PIGQ: variants seen among roughly 807,000 people sequenced by gnomAD.
The protein encoded by PIGQ is phosphatidylinositol N-acetylglucosaminyltransferase subunit Q.
PIGQ carries 54 observed loss-of-function variants against 60.3 expected under a neutral mutation model. The ratio of observed to expected loss-of-function variants is 0.90; its 90% CI spans 0.72 to 1.12. The LOEUF is 1.12. PIGQ is among the 50% of genes most tolerant of loss of function. The pLI, the probability that PIGQ is intolerant of heterozygous loss-of-function variation, is 0.00. For missense variants in PIGQ, 799 were observed against 793.5 expected, an observed-to-expected ratio of 1.01 and a Z score of -0.08; for synonymous variants, 416 against 363.7, an observed-to-expected ratio of 1.14 and a Z score of -1.64.
chr16:582,170 G>C (rs781589738), intron 9 of PIGQ, 78 bp from the exon 10 acceptor site: 7 of 1,055,212 alleles, frequency 6.6e-6, no homozygotes, highest in Non-Finnish European at 1.0e-5. Flanking sequence ...CCTCAGAGAG[G>C]AAGGTACCTG....
At chr16:581,694 C>G (rs945153086) in intron 9 of PIGQ, 1 of 164,310 alleles carries the variant, frequency 6.1e-6, no homozygotes, top group Non-Finnish European at 1.3e-5. Context: ...GAACTCCTGA[C>G]CTCGTGATCC....
intron 3 of PIGQ, 33 bp downstream of exon 3, chr16:576,003 G>T (rs768173307): frequency 6.4e-7 from 1 of 1,564,750 alleles, no homozygotes; most frequent in Non-Finnish European, 8.7e-7. Context: ...GCAGGGCTGG[G>T]TGCGTGCCCT....
chr16:579,114 G>C lies in PIGQ; in HGVS notation c.1269G>C (p.Leu423=), dbSNP rs756496510. The change falls in exon 7 of 11, where the codon CTG becomes CTC. Residue 423 remains leucine, a synonymous_variant. Transcript: ENST00000321878. ...KIHGLSSLWR[L]FRGKKWNVLR... is the part of the protein sequence containing the mutation. ...ATGGCCTGTCCTCACTGTGGCGTCT[G>C]TTCCGGGGGAAGAAGTGGAACGTTC... 1.9e-6 allele frequency: 3 copies of C among 1,613,016 alleles called. No homozygotes were observed. In the Admixed American group the frequency reaches 5.0e-5, roughly 27 times the overall value.
At chr16:581,340 C>A (rs1400016150) in intron 9 of PIGQ, 3 of 1,230,518 alleles carry the variant, frequency 2.4e-6, no homozygotes, top group Non-Finnish European at 3.1e-6. Flanking sequence ...GGCCACCATC[C>A]AGTAAGTGCC....
chr16:579,089 A>G lies in PIGQ; in HGVS notation c.1244A>G (p.His415Arg), dbSNP rs2035771354. The change falls in exon 7 of 11, where the codon CAT (histidine) becomes CGT (arginine). Residue 415 changes from histidine to arginine, a missense_variant. Transcript: ENST00000321878. The part of the protein sequence containing the change: ...YGARLYCLKI[H>R]GLSSLWRLFR... ...TGTAGGCTGTACTGCCTGAAGATCC[A>G]TGGCCTGTCCTCACTGTGGCGTCTG... The G allele has an allele frequency of 1.4e-5, 22 of 1,612,672 alleles. No individual in the cohort carries two copies. The highest frequency in any genetic ancestry group is 1.8e-5 in the Non-Finnish European group (21 of 1,179,720).
Position 583,222 on chromosome 16 carries a change from G to A in PIGQ, c.*187G>A, listed in dbSNP as rs1312368266. ...ATTGGGAGTGAGCAGATGTGGGGGT[G>A]GCCAGCCAGGCTGGCCGCACTCCAT... is the stretch of plus-strand genomic sequence containing the variant. On this transcript the variant is annotated 3_prime_UTR_variant, in exon 11 of 11. Transcript: ENST00000321878. 8.7e-6 allele frequency: 14 copies of A among 1,612,946 alleles called. No individual in the cohort carries two copies. Among genetic ancestry groups the A allele is most frequent in the Non-Finnish European group, 1.2e-5 (14 of 1,179,972 alleles).
rs780951808 is a variant in PIGQ, at chr16:574,500, C to A, written c.426C>A (p.His142Gln). ...GCCAGGTGTTGCTGTCACAGCTACA[C>A]CTGCCCACCGTCCTGCCCGACCGCC... The part of the protein sequence containing the change: ...DQRQVLLSQL[H>Q]LPTVLPDRQA... Residue 142 changes from histidine (H) to glutamine (Q), a missense_variant, in exon 2 of 11, where the codon CAC becomes CAA. Physicochemically the swap from His to Gln is conservative, Grantham distance 24. Coordinates refer to ENST00000321878, the MANE Select transcript of PIGQ (RefSeq NM_004204.5). 1.2e-6 allele frequency: 2 copies of A among 1,608,878 alleles called. No homozygotes were observed. The highest frequency in any genetic ancestry group is 1.7e-6 in the Non-Finnish European group (2 of 1,178,430).
rs571850259 is a variant in PIGQ, at chr16:578,613, CTGTG to C, written c.1069+115_1069+118del. ...GCCCCCAACTCTGCTCCCCAGCGTC[CTGTG>C]TGTGTGAGGCCTGCTGTGCTCAGCT... On this transcript the variant is annotated intron_variant, in intron 5 of 10. Coordinates refer to ENST00000321878, the MANE Select transcript of PIGQ (RefSeq NM_004204.5). 62 of 1,443,898 alleles carry C rather than the reference CTGTG, an allele frequency of 4.3e-5. 2 individuals are homozygous for C. The South Asian group carries it at 7.1e-4, about 17-fold the overall frequency. The allele number at this position is 1,443,898 out of a possible 1,614,324, so 89.4% of individuals were successfully genotyped here.
chr16:578,754 C>T (rs778781186), intron 5 of PIGQ, 31 bp from the exon 6 acceptor site: 15 of 1,605,868 alleles, frequency 9.3e-6, no homozygotes, highest in Middle Eastern at 1.6e-4. Context: ...GGGGTCTGAG[C>T]GCCTCCTGAG....
chr16:582,910 G>A lies in PIGQ; in HGVS notation c.1621G>A (p.Val541Met), dbSNP rs747221267. ...QINPLPYSRV[V>M]HTYRLPSCGC... is the part of the protein sequence containing the mutation. ...AAACCCACTGCCCTACAGCCGCGTG[G>A]TGCACACCTACCGCCTCCCCAGCTG... The change falls in exon 11 of 11, where the codon GTG (valine) becomes ATG (methionine). Residue 541 changes from valine (V) to methionine (M), a missense_variant. Transcript: ENST00000321878. 23 of 1,611,088 alleles carry A rather than the reference G, an allele frequency of 1.4e-5. No individual in the cohort carries two copies. The highest frequency in any genetic ancestry group is 2.2e-5 in the East Asian group (1 of 44,854).
At chr16:578,103 G>T in intron 4 of PIGQ, 1 of 366,286 alleles carries the variant, frequency 2.7e-6, no homozygotes, top group East Asian at 5.5e-5. Context: ...GGAGGAAGAT[G>T]GTAGAGGTGG....
intron 1 of PIGQ, among the ~76,000 whole-genome samples, chr16:572,815 C>T (rs577900792): frequency 3.3e-5 from 5 of 152,318 alleles, no homozygotes; most frequent in African/African-American, 4.8e-5. Context: ...GACCTCCAGG[C>T]GTCCCGCTCT....
Position 574,545 on chromosome 16 carries a change from C to T in PIGQ, c.471C>T (p.Ala157=), listed in dbSNP as rs771169140. 12 of 1,605,438 alleles carry T rather than the reference C, an allele frequency of 7.5e-6. No homozygotes were observed. Among genetic ancestry groups the T allele is most frequent in the Non-Finnish European group, 8.5e-6 (10 of 1,176,590 alleles). ...LPDRQAGATT[A]STGGLAAVFD... ...ACCGCCAGGCTGGAGCCACCACTGC[C>T]AGCACGGGGGGCCTGGCTGCCGTCT... The change falls in exon 2 of 11, where the codon GCC becomes GCT. Residue 157 remains alanine, a synonymous_variant. Coordinates refer to ENST00000321878, the MANE Select transcript of PIGQ (RefSeq NM_004204.5).
At chr16:571,042 TGTGTGTGTGTGTG>T (rs2035609993) in intron 1 of PIGQ, among the ~76,000 whole-genome samples, 2 of 11,030 alleles carry the variant, frequency 1.8e-4, no homozygotes, top group African/African-American at 7.1e-4. Context: ...GGCGCCCGTG[TGTGTGTGTGTGTG>T]TGTGTGTGTG....
intron 9 of PIGQ, 164 bp from the exon 10 acceptor site, chr16:582,084 C>G: frequency 1.5e-6 from 1 of 688,862 alleles, no homozygotes; most frequent in East Asian, 2.7e-5. Context: ...GGCCTGGCAG[C>G]CAGCTCCAGG....
Position 574,414 on chromosome 16 carries a change from G to T in PIGQ, c.340G>T (p.Ala114Ser). 2 of 1,610,796 alleles carry T rather than the reference G, an allele frequency of 1.2e-6. No individual in the cohort carries two copies. Among genetic ancestry groups the T allele is most frequent in the South Asian group, 2.2e-5 (2 of 90,658 alleles). Reference protein sequence around the residue: ...FWSCEATHRQAPTAPGAPGED... With the variant: ...FWSCEATHRQSPTAPGAPGED... ...GAGCTGCGAGGCCACCCACCGGCAA[G>T]CGCCCACTGCCCCCGGTGCCCCTGG... Residue 114 changes from alanine to serine, a missense_variant, in exon 2 of 11, where the codon GCG becomes TCG. By Grantham distance (99) the Ala-to-Ser change is moderately conservative (BLOSUM62 1). Coordinates refer to ENST00000321878, the MANE Select transcript of PIGQ (RefSeq NM_004204.5).
Position 580,863 on chromosome 16 carries a change from G to C in PIGQ, c.1422G>C (p.Arg474=). Residue 474 remains arginine (R), a synonymous_variant, in exon 9 of 11, where the codon CGG becomes CGC. Coordinates refer to ENST00000321878, the MANE Select transcript of PIGQ (RefSeq NM_004204.5). ...TAAATGCTCCTCTGCCACAGCTCCG[G>C]CTCCTGGTGGTCGCCGTGCAGGGCC... ...ALYYLVFTLL[R]LLVVAVQGLI... 6.8e-7 allele frequency: 1 copy of C among 1,466,248 alleles called. No individual in the cohort carries two copies. Among genetic ancestry groups the C allele is most frequent in the Non-Finnish European group, 9.5e-7 (1 of 1,052,892 alleles). 90.8% of individuals were successfully genotyped at this position (1,466,248 alleles called of 1,614,324 possible).
Position 582,340 on chromosome 16 carries a change from C to T in PIGQ, c.1593+31C>T, listed in dbSNP as rs529870554. The T allele has an allele frequency of 4.5e-5, 69 of 1,523,886 alleles. No individual in the cohort carries two copies. The South Asian group carries it at 5.3e-4, about 12-fold the overall frequency. 94.4% of individuals were successfully genotyped at this position (1,523,886 alleles called of 1,614,324 possible). A position where few individuals can be genotyped will look rare whatever the true frequency, so the allele number is the denominator to read the frequency against. ...GCCCCTTGTGGCCAGGACGCCCCTA[C>T]GCTGCTGCCCCTGTTCTGGGACGGT... On this transcript the variant is annotated intron_variant, in intron 10 of 10. Coordinates refer to ENST00000321878, the MANE Select transcript of PIGQ (RefSeq NM_004204.5).
rs758645190 is a variant in PIGQ, at chr16:583,719, A to G, written c.*684A>G. On this transcript the variant is annotated 3_prime_UTR_variant, in exon 11 of 11. Transcript: ENST00000321878. ...GTGTCAAGGGCCCGCCCACTGACCCAGCCGTACCTATTCGTCCACGGTGCC... is the reference window on the plus strand; with the variant it reads ...GTGTCAAGGGCCCGCCCACTGACCCGGCCGTACCTATTCGTCCACGGTGCC... 6.8e-7 allele frequency: 1 copy of G among 1,471,718 alleles called. No individual in the cohort carries two copies. The highest frequency in any genetic ancestry group is 1.1e-5 in the South Asian group (1 of 87,926). The allele number at this position is 1,471,718 out of a possible 1,614,324, so 91.2% of individuals were successfully genotyped here.
Sources: gnomAD v4.1 joint callset for allele counts (sites outside exome capture counted in the v4.1 genomes callset) on GRCh38, gnomAD v4.1.1 for gene constraint, MANE v1.5 for transcripts, NCBI Gene and HGNC (gene_info 2026-07-23, HGNC 2026-07-21) for gene names.